SEMA5B: variants seen among roughly 807,000 people sequenced by gnomAD.
The protein encoded by SEMA5B is semaphorin-5B.
In SEMA5B, 66 loss-of-function variants were observed where a neutral mutation model predicts 135.0. The ratio of observed to expected loss-of-function variants is 0.49; its 90% CI spans 0.40 to 0.60. The LOEUF is 0.60. SEMA5B is among the 20% of genes least tolerant of loss of function. The pLI is 0.00. For missense variants in SEMA5B, 1,501 were observed against 1,566.3 expected, an observed-to-expected ratio of 0.96 and a Z score of 0.70; for synonymous variants, 690 against 639.5, an observed-to-expected ratio of 1.08 and a Z score of -1.19.
intron 3 of SEMA5B, 84 bp downstream of exon 3, chr3:122,948,422 C>T: frequency 8.2e-7 from 1 of 1,225,074 alleles, no homozygotes; most frequent in Non-Finnish European, 1.1e-6. Context: ...CATCCAACAG[C>T]CAGAAACATC....
chr3:122,961,902 C>T (rs6438770), intron 1 of SEMA5B, among the ~76,000 whole-genome samples: 66,894 of 152,028 alleles, frequency 0.44, 15,455 homozygotes, highest in East Asian at 0.73. Flanking sequence ...GGAGAATCCA[C>T]TTCTTCACCT....
Position 123,019,822 on chromosome 3 carries a change from C to T in SEMA5B, c.-39+7642G>A, listed in dbSNP as rs1942637418. On this transcript the variant is annotated intron_variant, in intron 1 of 22. Coordinates refer to ENST00000357599, the MANE Select transcript of SEMA5B (RefSeq NM_001031702.4). ...AAAACAAGGATGCTGGAGGTGGGGG[C>T]AAGGGAGCCTAGGAGTTCCTATGAA... Among the ~76,000 whole-genome samples, 3 of 152,072 alleles carry T rather than the reference C, an allele frequency of 2.0e-5. No homozygotes were observed. In the South Asian group the frequency reaches 6.2e-4, roughly 31 times the overall value.
chr3:122,987,213 G>C (rs144575153), intron 1 of SEMA5B, among the ~76,000 whole-genome samples: 267 of 152,210 alleles, frequency 1.8e-3, no homozygotes, highest in African/African-American at 6.3e-3. Flanking sequence ...TAAAGTCCTG[G>C]GAAGGGAAAA....
chr3:122,991,355 G>A (rs1209574443), intron 1 of SEMA5B, among the ~76,000 whole-genome samples: 2 of 152,200 alleles, frequency 1.3e-5, no homozygotes, highest in Non-Finnish European at 2.9e-5. Flanking sequence ...CCAAGGAGAA[G>A]ATGTAGCAGC....
chr3:123,018,506 G>A (rs922448243), intron 1 of SEMA5B, among the ~76,000 whole-genome samples: 5 of 152,174 alleles, frequency 3.3e-5, no homozygotes, highest in Non-Finnish European at 7.3e-5. Flanking sequence ...GTTGGGCAGG[G>A]TCCCCTCTCA....
rs1236388238 is a variant in SEMA5B at position 122,910,127 on chromosome 3, C to G, written c.*16G>C. On this transcript the variant is annotated 3_prime_UTR_variant, in exon 23 of 23. Coordinates refer to ENST00000357599, the MANE Select transcript of SEMA5B (RefSeq NM_001031702.4). Reference sequence around the variant, plus strand: ...CCTTATGAAGGCAAGAAGCCCAAGTCCCCAGGACGGCGGTATCAGCTGTTG... The same window carrying G: ...CCTTATGAAGGCAAGAAGCCCAAGTGCCCAGGACGGCGGTATCAGCTGTTG... The G allele has an allele frequency of 1.2e-6, 2 of 1,611,878 alleles. No homozygotes were observed. The highest frequency in any genetic ancestry group is 2.2e-5 in the South Asian group (2 of 90,576).
intron 1 of SEMA5B, among the ~76,000 whole-genome samples, chr3:122,970,484 G>A (rs757203861): frequency 2.0e-5 from 3 of 152,152 alleles, no homozygotes; most frequent in Admixed American, 6.5e-5. Flanking sequence ...TCTAGGGACC[G>A]CACTTTGGGA....
At chr3:122,984,603 C>T (rs975812179) in intron 1 of SEMA5B, among the ~76,000 whole-genome samples, 3 of 152,154 alleles carry the variant, frequency 2.0e-5, no homozygotes, top group African/African-American at 7.2e-5. Flanking sequence ...AGAATAACGA[C>T]AAAGGTTACC....
Position 123,014,994 on chromosome 3 carries a change from G to A in SEMA5B, c.-39+12470C>T, listed in dbSNP as rs77219634. On this transcript the variant is annotated intron_variant, in intron 1 of 22. Coordinates refer to ENST00000357599, the MANE Select transcript of SEMA5B (RefSeq NM_001031702.4). ...AAAGGAAAAATTTGGTGACACACACGCACACAGGGAGAACATGTTGCAAAG... is the reference window on the plus strand; with the variant it reads ...AAAGGAAAAATTTGGTGACACACACACACACAGGGAGAACATGTTGCAAAG... 1.0e-3 allele frequency among the ~76,000 whole-genome samples: 159 copies of A among 152,300 alleles called. 1 individual carries two copies. In the South Asian group the frequency reaches 0.019, roughly 19 times the overall value.
intron 1 of SEMA5B, among the ~76,000 whole-genome samples, chr3:122,981,166 C>T (rs1004053752): frequency 3.9e-5 from 6 of 152,256 alleles, no homozygotes; most frequent in Non-Finnish European, 7.3e-5. Context: ...GTGCCCTCCA[C>T]GAATCCCAGG....
intron 1 of SEMA5B, among the ~76,000 whole-genome samples, chr3:122,963,368 C>G (rs1246307687): frequency 6.6e-6 from 1 of 152,030 alleles, no homozygotes; most frequent in Admixed American, 6.6e-5. Flanking sequence ...TGGTCCGCAC[C>G]TGTATTCCCA....
In SEMA5B at chr3:122,948,719, A is replaced by T. The variant is rs957571217; in HGVS notation, c.125-10T>A. On this transcript the variant is annotated splice_polypyrimidine_tract_variant and intron_variant, in intron 2 of 22. Transcript: ENST00000357599. ...AGACAGGGGAGAAGACCTGCAACGTAAACACTCAGTCTCACCAAGCGCTCC... is the reference window on the plus strand; with the variant it reads ...AGACAGGGGAGAAGACCTGCAACGTTAACACTCAGTCTCACCAAGCGCTCC... 1.3e-6 allele frequency: 2 copies of T among 1,584,322 alleles called. No homozygotes were observed. The highest frequency in any genetic ancestry group is 2.7e-5 in the African/African-American group (2 of 74,454).
Position 122,910,308 on chromosome 3 carries a change from G to T in SEMA5B, c.3298-7C>A. ...AGTTATTCTTGTTCAGGGTCTGTGG[G>T]TGGAAGAAGGAACCAGAGAAAGGGG... On this transcript the variant is annotated splice_polypyrimidine_tract_variant and splice_region_variant and intron_variant, in intron 22 of 22. Transcript: ENST00000357599. The T allele has an allele frequency of 6.2e-7, 1 of 1,613,818 alleles. No individual in the cohort carries two copies. Among genetic ancestry groups the T allele is most frequent in the Non-Finnish European group, 8.5e-7 (1 of 1,179,796 alleles).
chr3:122,978,312 C>T (rs1941403944), intron 1 of SEMA5B, among the ~76,000 whole-genome samples: 1 of 152,210 alleles, frequency 6.6e-6, no homozygotes, highest in African/African-American at 2.4e-5. Flanking sequence ...CAGTCGGTTG[C>T]CCCTGAAAAG....
At chr3:122,972,909 A>C (rs1057260290) in intron 1 of SEMA5B, among the ~76,000 whole-genome samples, 1 of 152,148 alleles carries the variant, frequency 6.6e-6, no homozygotes, top group Non-Finnish European at 1.5e-5. Flanking sequence ...CCCGCAGCCT[A>C]TCCAGGCTCC....
At chr3:122,976,733 C>T (rs1941334307) in intron 1 of SEMA5B, among the ~76,000 whole-genome samples, 1 of 152,154 alleles carries the variant, frequency 6.6e-6, no homozygotes, top group African/African-American at 2.4e-5. Flanking sequence ...ATATACATCA[C>T]ACAAACACAT....
chr3:123,021,817 T>C (rs1337111197), intron 1 of SEMA5B, among the ~76,000 whole-genome samples: 2 of 152,232 alleles, frequency 1.3e-5, no homozygotes, highest in East Asian at 3.8e-4. Context: ...TGCATATATG[T>C]ATGTATGTTT....
At chr3:123,002,810 A>G (rs778581340) in intron 1 of SEMA5B, among the ~76,000 whole-genome samples, 3 of 152,242 alleles carry the variant, frequency 2.0e-5, no homozygotes, top group Non-Finnish European at 4.4e-5. Flanking sequence ...TCCAAATTAA[A>G]TTTGTTAAGA....
intron 2 of SEMA5B, among the ~76,000 whole-genome samples, chr3:122,957,426 G>T (rs926601740): frequency 1.3e-5 from 2 of 152,226 alleles, no homozygotes; most frequent in Non-Finnish European, 2.9e-5. Context: ...AAGCCGTGTG[G>T]CCCACAGAGC....
Sources: gnomAD v4.1 joint callset for allele counts (sites outside exome capture counted in the v4.1 genomes callset) on GRCh38, gnomAD v4.1.1 for gene constraint, MANE v1.5 for transcripts, NCBI Gene and HGNC (gene_info 2026-07-23, HGNC 2026-07-21) for gene names.